Variants in HHLA1 observed in about 807,000 individuals in gnomAD.
HHLA1 encodes HERV-H LTR-associating protein 1.
HHLA1 carries 72 observed loss-of-function variants against 69.9 expected under a neutral mutation model. That is an observed-to-expected ratio of 1.03 (90% CI 0.85 to 1.25). The LOEUF is 1.25. HHLA1 is among the 50% of genes most tolerant of loss of function. HHLA1 has a pLI of 0.00. For synonymous variants in HHLA1, 252 were observed against 233.2 expected (o/e 1.08, Z -0.73); for missense variants, 685 against 642.2 (o/e 1.07, Z -0.72).
intron 2 of HHLA1, 54 bp downstream of exon 2, chr8:132,105,133 A>G: frequency 7.5e-7 from 1 of 1,334,336 alleles, no homozygotes; most frequent in Non-Finnish European, 1.1e-6. Flanking sequence ...AGCACAGTGA[A>G]TACTCCAACT....
chr8:132,110,835 A>G (rs573323387), intron 1 of HHLA1, among the ~76,000 whole-genome samples: 9 of 152,338 alleles, frequency 5.9e-5, no homozygotes, highest in Admixed American at 5.2e-4. Flanking sequence ...AGGACAAACC[A>G]TCCTCCCAGC....
At chr8:132,104,434 A>G (rs1481762992) in intron 2 of HHLA1, among the ~76,000 whole-genome samples, 1 of 152,236 alleles carries the variant, frequency 6.6e-6, no homozygotes, top group African/African-American at 2.4e-5. Context: ...TAGGAAAACA[A>G]CATTGAATAC....
At chr8:132,100,706 A>G (rs1782018275) in intron 3 of HHLA1, among the ~76,000 whole-genome samples, 1 of 152,222 alleles carries the variant, frequency 6.6e-6, no homozygotes. Context: ...CTCCAGCTCC[A>G]TGGGGCCTCC....
At chr8:132,076,653 A>G in intron 12 of HHLA1, 110 bp from the exon 13 acceptor site, 2 of 588,998 alleles carry the variant, frequency 3.4e-6, no homozygotes, top group South Asian at 3.4e-5. Flanking sequence ...TGGTTAAGCC[A>G]GGTACCAGGC....
Position 132,077,785 on chromosome 8 carries a change from G to A in HHLA1, c.1112C>T (p.Ala371Val), listed in dbSNP as rs956268201. The A allele has an allele frequency of 5.3e-5, 83 of 1,551,530 alleles. No homozygotes were observed. Among genetic ancestry groups the A allele is most frequent in the Non-Finnish European group, 6.7e-5 (77 of 1,146,972 alleles). ...TGTGGCCATTATCTCAGCAGCAGGC[G>A]CCAAAAGGCTTGTAGTGTTCATGGC... is the stretch of plus-strand genomic sequence containing the variant. ...EEAMNTTSLL[A>V]PAAEIMATPG... The change falls in exon 12 of 17, where the codon GCG becomes GTG. Residue 371 changes from alanine (A) to valine (V), a missense_variant. Transcript: ENST00000414222.
intron 7 of HHLA1, among the ~76,000 whole-genome samples, chr8:132,093,915 A>T (rs140081439): frequency 6.6e-6 from 1 of 152,270 alleles, no homozygotes; most frequent in East Asian, 1.9e-4. Flanking sequence ...TTAAGCACTC[A>T]TTGTAGCATC....
rs1823361821 is a variant in HHLA1 at position 132,062,008 on chromosome 8, G to A, written c.*1987C>T. 6.6e-6 allele frequency: 1 copy of A among 152,168 alleles called. No individual in the cohort carries two copies. The highest frequency in any genetic ancestry group is 2.1e-4 in the South Asian group (1 of 4,830). 9.4% of individuals were successfully genotyped at this position (152,168 alleles called of 1,614,324 possible). On this transcript the variant is annotated 3_prime_UTR_variant, in exon 17 of 17. Transcript: ENST00000414222. ...CCCACAAGTGAATAGCCCCAGTCTT[G>A]GGCCCAAGCCATCCATCCATTCTTC...
At chr8:132,096,805 C>A (rs1307894946) in intron 5 of HHLA1, among the ~76,000 whole-genome samples, 1 of 152,074 alleles carries the variant, frequency 6.6e-6, no homozygotes, top group Non-Finnish European at 1.5e-5. Context: ...TAACAAAGTT[C>A]TCAGGTGAAT....
chr8:132,104,069 G>C, intron 3 of HHLA1, 39 bp downstream of exon 3: 1 of 1,469,960 alleles, frequency 6.8e-7, no homozygotes, highest in Non-Finnish European at 9.3e-7. Flanking sequence ...ATTTGCCCAA[G>C]AACAGTGAGC....
intron 3 of HHLA1, among the ~76,000 whole-genome samples, chr8:132,101,604 A>C (rs1824112375): frequency 6.8e-6 from 1 of 147,210 alleles, no homozygotes; most frequent in Admixed American, 6.8e-5. Context: ...TTTGAGATGG[A>C]GTCTCACTCT....
In HHLA1 at chr8:132,062,427, A is replaced by C. The variant is rs918771301; in HGVS notation, c.*1568T>G. 1 of 152,186 alleles carries C rather than the reference A, an allele frequency of 6.6e-6. No individual in the cohort carries two copies. The highest frequency in any genetic ancestry group is 1.5e-5 in the Non-Finnish European group (1 of 68,050). The allele number at this position is 152,186 out of a possible 1,614,324, so 9.4% of individuals were successfully genotyped here. On this transcript the variant is annotated 3_prime_UTR_variant, in exon 17 of 17. Coordinates refer to ENST00000414222, the MANE Select transcript of HHLA1 (RefSeq NM_001145095.3). ...GGGAACTCAGGGGTCTTCCAATGGC[A>C]GAAACTGTTTTCTACTTAGATGATG...
At chr8:132,102,143 A>G (rs2130899582) in intron 3 of HHLA1, among the ~76,000 whole-genome samples, 1 of 152,340 alleles carries the variant, frequency 6.6e-6, no homozygotes, top group African/African-American at 2.4e-5. Context: ...ACTGTCCTCC[A>G]GGTTCACTCA....
At chr8:132,110,348 A>G (rs1824276299) in intron 1 of HHLA1, among the ~76,000 whole-genome samples, 1 of 152,182 alleles carries the variant, frequency 6.6e-6, no homozygotes, top group African/African-American at 2.4e-5. Flanking sequence ...CAGTTTGCCC[A>G]AGGTCATTAA....
chr8:132,105,382 G>A, intron 1 of HHLA1, 96 bp from the exon 2 acceptor site: 2 of 812,918 alleles, frequency 2.5e-6, no homozygotes, highest in Non-Finnish European at 4.2e-6. Context: ...ATCACAATCT[G>A]AAAAAGGCTT....
chr8:132,094,630 A>G (rs1306015766), intron 7 of HHLA1, among the ~76,000 whole-genome samples: 1 of 152,024 alleles, frequency 6.6e-6, no homozygotes, highest in African/African-American at 2.4e-5. Flanking sequence ...TGACCACCCT[A>G]CACACAGCAA....
chr8:132,064,184 G>A, intron 16 of HHLA1, 146 bp from the exon 17 acceptor site: 1 of 272,432 alleles, frequency 3.7e-6, no homozygotes, highest in East Asian at 8.8e-5. Flanking sequence ...GGGGTCACTA[G>A]GGGTGAGACT....
rs897858478 is a variant in HHLA1 at position 132,077,820 on chromosome 8, C to T, written c.1077G>A (p.Gly359=). The T allele has an allele frequency of 7.7e-6, 12 of 1,551,616 alleles. No individual in the cohort carries two copies. The East Asian group carries it at 1.2e-4, about 16-fold the overall frequency. The change falls in exon 12 of 17, where the codon GGG becomes GGA. Residue 359 remains glycine, a synonymous_variant. Coordinates refer to ENST00000414222, the MANE Select transcript of HHLA1 (RefSeq NM_001145095.3). The stretch of plus-strand genomic sequence containing the variant: ...TTGTAGTGTTCATGGCTTCCTCGGT[C>T]CCTGCAGTAGTCGGTGGGGAAGAAC... ...ETRSSPPTTA[G]TEEAMNTTSL...
chr8:132,068,415 C>A (rs1446917053), intron 15 of HHLA1, among the ~76,000 whole-genome samples: 1 of 152,168 alleles, frequency 6.6e-6, no homozygotes, highest in East Asian at 1.9e-4. Flanking sequence ...TAGATAAATG[C>A]CCCTGGTTAT....
Position 132,087,921 on chromosome 8 carries a change from A to G in HHLA1, c.533-20T>C, listed in dbSNP as rs1823889982. On this transcript the variant is annotated intron_variant, in intron 8 of 16. Coordinates refer to ENST00000414222, the MANE Select transcript of HHLA1 (RefSeq NM_001145095.3). The stretch of plus-strand genomic sequence containing the variant: ...GATTCACTGTAAGACAAACGAGTAT[A>G]CAATAAGACTTAGCCATGGGTCTGA... 5.9e-6 allele frequency: 9 copies of G among 1,537,344 alleles called. No homozygotes were observed. Among genetic ancestry groups the G allele is most frequent in the Non-Finnish European group, 7.9e-6 (9 of 1,133,946 alleles).
Sources: gnomAD v4.1 joint callset for allele counts (sites outside exome capture counted in the v4.1 genomes callset) on GRCh38, gnomAD v4.1.1 for gene constraint, MANE v1.5 for transcripts, NCBI Gene and HGNC (gene_info 2026-07-23, HGNC 2026-07-21) for gene names.